The following RAB11FIP4 variants were observed in gnomAD, a reference collection of about 807,000 sequenced individuals.
RAB11FIP4 encodes the protein RAB11 family interacting protein 4, also known as rab11 family-interacting protein 4.
In RAB11FIP4, 23 loss-of-function variants were observed where a neutral mutation model predicts 74.3. The ratio of observed to expected loss-of-function variants is 0.31; its 90% CI spans 0.22 to 0.44. The LOEUF (loss-of-function observed/expected upper bound fraction) is 0.44, where lower values mean the gene tolerates loss of function less well. Among genes scored for constraint, RAB11FIP4 ranks in the 20% least tolerant of loss-of-function variants. The pLI is 1.00. For synonymous variants in RAB11FIP4, 360 were observed against 359.9 expected (o/e 1.00, Z 0.00); for missense variants, 630 against 863.9 (o/e 0.73, Z 3.39).
rs1567701159 is a variant in RAB11FIP4, at chr17:31,537,587, A to G, written c.*5855A>G. On this transcript the variant is annotated 3_prime_UTR_variant, in exon 15 of 15. Transcript: ENST00000621161. ...TCATGGGACCGCAGCCGCTCCGTGC[A>G]CTGTCTCTGCCCCCAGAGGAAGCCC... is the stretch of plus-strand genomic sequence containing the variant. 1 of 169,682 alleles carries G rather than the reference A, an allele frequency of 5.9e-6. No homozygotes were observed. 10.5% of individuals were successfully genotyped at this position (169,682 alleles called of 1,614,324 possible). A position where few individuals can be genotyped will look rare whatever the true frequency, so the allele number is the denominator to read the frequency against.
intron 3 of RAB11FIP4, among the ~76,000 whole-genome samples, chr17:31,513,456 G>A (rs1004889265): frequency 3.9e-5 from 6 of 152,186 alleles, no homozygotes; most frequent in African/African-American, 1.4e-4. Context: ...CAGGCCGGCG[G>A]GAGAAGGAGC....
chr17:31,480,753 A>C (rs1369705409), intron 3 of RAB11FIP4, among the ~76,000 whole-genome samples: 1 of 136,842 alleles, frequency 7.3e-6, no homozygotes, highest in Non-Finnish European at 1.5e-5. Flanking sequence ...ACGCCACTGC[A>C]CTCCAGCCTG....
chr17:31,523,461 C>T (rs1555550575), intron 7 of RAB11FIP4, 51 bp from the exon 8 acceptor site: 4 of 1,453,074 alleles, frequency 2.8e-6, no homozygotes, highest in Non-Finnish European at 2.9e-6. Flanking sequence ...TGAGTAGGCC[C>T]CTGTCTCTGG....
intron 3 of RAB11FIP4, among the ~76,000 whole-genome samples, chr17:31,506,684 A>C (rs2072356344): frequency 6.6e-6 from 1 of 152,194 alleles, no homozygotes; most frequent in African/African-American, 2.4e-5. Context: ...AATGTTCTGT[A>C]GGTTCATCCA....
rs2072474935 is a variant in RAB11FIP4, at chr17:31,512,741, A to C, written c.337-4910A>C. The stretch of plus-strand genomic sequence containing the variant: ...CTTCCCCAAAGGCCCCCAAAAGAGC[A>C]GACACAGCCTTTCTGTGCAAACCCT... On this transcript the variant is annotated intron_variant, in intron 3 of 14. Transcript: ENST00000621161. The surrounding 1 kb of genome is among the most constrained non-coding windows in gnomAD (Gnocchi z 4.1). Among the ~76,000 whole-genome samples, 1 of 152,158 alleles carries C rather than the reference A, an allele frequency of 6.6e-6. No individual in the cohort carries two copies. The highest frequency in any genetic ancestry group is 2.1e-4 in the South Asian group (1 of 4,826).
chr17:31,417,934 A>G (rs1236803281), intron 1 of RAB11FIP4, among the ~76,000 whole-genome samples: 1 of 152,116 alleles, frequency 6.6e-6, no homozygotes, highest in African/African-American at 2.4e-5. Context: ...CCCCATCTCT[A>G]CAAAAAATTA....
chr17:31,399,343 C>T (rs773974093), intron 1 of RAB11FIP4, among the ~76,000 whole-genome samples: 9 of 152,302 alleles, frequency 5.9e-5, no homozygotes, highest in South Asian at 2.1e-4. Context: ...TGGGTAAATG[C>T]GCTGAAATTT....
At chr17:31,490,322 C>T (rs529151870) in intron 3 of RAB11FIP4, among the ~76,000 whole-genome samples, 14 of 152,148 alleles carry the variant, frequency 9.2e-5, no homozygotes, top group Non-Finnish European at 1.5e-4. Context: ...CTGGCAGTCC[C>T]CGATCTGGGC....
intron 1 of RAB11FIP4, among the ~76,000 whole-genome samples, chr17:31,402,161 C>T (rs778820056): frequency 4.0e-5 from 6 of 151,348 alleles, no homozygotes; most frequent in Non-Finnish European, 7.4e-5. Context: ...CCCTTCTGCC[C>T]ACTTCCGTAG....
rs143356492 is a variant in RAB11FIP4 at position 31,517,742 on chromosome 17, C to T, written c.428C>T (p.Thr143Met). ...CCCGAGGACGAGGAGGAGGCTATGA[C>T]GCTGGCGCCACCTGAGGGCCCCCAG... ...FFPEDEEEAM[T>M]LAPPEGPQEL... Residue 143 changes from threonine (T) to methionine (M), a missense_variant, in exon 4 of 15, where the codon ACG becomes ATG. By Grantham distance (81) the Thr-to-Met change is moderately conservative. Coordinates refer to ENST00000621161, the MANE Select transcript of RAB11FIP4 (RefSeq NM_032932.6). The T allele has an allele frequency of 2.7e-4, 425 of 1,591,008 alleles. 3 individuals carry two copies. In the African/African-American group the frequency reaches 4.9e-3, roughly 18 times the overall value.
At chr17:31,473,448 G>A (rs2071759602) in intron 3 of RAB11FIP4, among the ~76,000 whole-genome samples, 1 of 152,082 alleles carries the variant, frequency 6.6e-6, no homozygotes, top group South Asian at 2.1e-4. Context: ...AGGCTGAGAT[G>A]GGAGCATCAC....
At chr17:31,488,610 C>T (rs566982203) in intron 3 of RAB11FIP4, among the ~76,000 whole-genome samples, 6 of 152,354 alleles carry the variant, frequency 3.9e-5, no homozygotes, top group African/African-American at 1.4e-4. Context: ...GCGCCGTACC[C>T]TTGGGCCGGG....
At chr17:31,498,762 TC>T (rs548620481) in intron 3 of RAB11FIP4, among the ~76,000 whole-genome samples, 1 of 152,198 alleles carries the variant, frequency 6.6e-6, no homozygotes, top group Non-Finnish European at 1.5e-5. Context: ...TGGAGGGTGC[TC>T]CCCTGAAAAT....
At chr17:31,494,282 A>C (rs2072071340) in intron 3 of RAB11FIP4, among the ~76,000 whole-genome samples, 1 of 146,958 alleles carries the variant, frequency 6.8e-6, no homozygotes, top group African/African-American at 2.6e-5. Flanking sequence ...CAGCTTCCCC[A>C]CCTGTAAAAC....
At chr17:31,397,442 T>C (rs1597894502) in intron 1 of RAB11FIP4, among the ~76,000 whole-genome samples, 1 of 152,100 alleles carries the variant, frequency 6.6e-6, no homozygotes, top group Admixed American at 6.5e-5. Flanking sequence ...CAAAAGGTGA[T>C]AGTTAAAGGT....
At chr17:31,516,003 C>T (rs1467861808) in intron 3 of RAB11FIP4, among the ~76,000 whole-genome samples, 1 of 151,598 alleles carries the variant, frequency 6.6e-6, no homozygotes, top group African/African-American at 2.4e-5. Flanking sequence ...TGTGGCAGGG[C>T]CCAGACAGGC....
At chr17:31,496,296 C>T (rs1262714466) in intron 3 of RAB11FIP4, among the ~76,000 whole-genome samples, 4 of 152,176 alleles carry the variant, frequency 2.6e-5, no homozygotes, top group South Asian at 2.1e-4. Context: ...CTCTGAGCCT[C>T]GGGATTTTCC....
chr17:31,416,990 CT>C (rs1295749184), intron 1 of RAB11FIP4, among the ~76,000 whole-genome samples: 7 of 152,062 alleles, frequency 4.6e-5, no homozygotes, highest in African/African-American at 1.7e-4. Context: ...TTCCCTCTCT[CT>C]TTGGCCCCAT....
chr17:31,437,429 G>A (rs116590143), intron 3 of RAB11FIP4, among the ~76,000 whole-genome samples: 2,116 of 152,188 alleles, frequency 0.014, 58 homozygotes, highest in African/African-American at 0.049. Context: ...GGCTCTCTGC[G>A]CCCTGCTGTG....
Sources: gnomAD v4.1 joint callset for allele counts (sites outside exome capture counted in the v4.1 genomes callset) on GRCh38, gnomAD v4.1.1 for gene constraint, Gnocchi (gnomAD v3.1) non-coding constraint, MANE v1.5 for transcripts, NCBI Gene and HGNC (gene_info 2026-07-23, HGNC 2026-07-21) for gene names.